Variants in OGDHL observed in about 807,000 individuals in gnomAD.
The protein encoded by OGDHL is oxoglutarate dehydrogenase L, also known as 2-oxoglutarate dehydrogenase-like, mitochondrial.
Under a neutral mutation model 109.6 loss-of-function variants are expected in OGDHL, and 79 were observed. That is an observed-to-expected ratio of 0.72 (90% confidence interval 0.60 to 0.87). OGDHL has a LOEUF of 0.87. Among genes scored for constraint, OGDHL ranks in the 40% least tolerant of loss-of-function variants. The pLI, the probability that OGDHL is intolerant of heterozygous loss-of-function variation, is 0.00. For synonymous variants in OGDHL, 528 were observed against 537.2 expected, an observed-to-expected ratio of 0.98 and a Z score of 0.24; for missense variants, 1,275 against 1,362.2, an observed-to-expected ratio of 0.94 and a Z score of 1.01.
chr10:49,746,126 C>A lies in OGDHL; in HGVS notation c.1297-149G>T, dbSNP rs895749738. On this transcript the variant is annotated intron_variant, in intron 10 of 22. Coordinates refer to ENST00000374103, the MANE Select transcript of OGDHL (RefSeq NM_018245.3). ...GACACAACAGGGTGATGGTGAGCAGCCCCACAATTAGACACGGCAACAGCT... is the reference window on the plus strand; with the variant it reads ...GACACAACAGGGTGATGGTGAGCAGACCCACAATTAGACACGGCAACAGCT... The A allele has an allele frequency of 7.4e-5, 64 of 864,972 alleles. No homozygotes were observed. In the Middle Eastern group the frequency reaches 1.3e-3, roughly 18 times the overall value. 53.6% of individuals were successfully genotyped at this position (864,972 alleles called of 1,614,324 possible). A position where few individuals can be genotyped will look rare whatever the true frequency, so the allele number is the denominator to read the frequency against.
intron 7 of OGDHL, 95 bp from the exon 8 acceptor site, chr10:49,749,911 C>T (rs1003587299): frequency 4.7e-5 from 49 of 1,031,714 alleles, no homozygotes; most frequent in Non-Finnish European, 6.7e-5. Flanking sequence ...CTAATACAGC[C>T]CCTTCGTGCC....
In OGDHL at chr10:49,740,972, A is replaced by ATGGC. The variant is rs1841610981; in HGVS notation, c.2013-139_2013-136dup. On this transcript the variant is annotated intron_variant, in intron 15 of 22. Coordinates refer to ENST00000374103, the MANE Select transcript of OGDHL (RefSeq NM_018245.3). ...CAGGAAACCTGCAGGGTCCCACAAC[A>ATGGC]TGGCATCCAAGAAGGCTGTGGAAAA... 7.1e-6 allele frequency: 8 copies of ATGGC among 1,121,192 alleles called. No homozygotes were observed. In the South Asian group the frequency reaches 1.2e-4, roughly 16 times the overall value. 69.5% of individuals were successfully genotyped at this position (1,121,192 alleles called of 1,614,324 possible).
chr10:49,742,806 T>C, intron 15 of OGDHL, 22 bp downstream of exon 15: 2 of 1,606,008 alleles, frequency 1.2e-6, no homozygotes, highest in Non-Finnish European at 1.7e-6. Context: ...CCTGTGCGGA[T>C]GCTGAGCCCC....
At position 49,746,738 on chromosome 10, in the gene OGDHL, C is replaced by T. The variant is rs749608436; in HGVS notation, c.1296+12G>A. ...GACGCTGTGAGGCCCAGCGTGGAGC[C>T]TACATGCTCACCTGGTTGTTGACGA... On this transcript the variant is annotated intron_variant, in intron 10 of 22. Transcript: ENST00000374103. The T allele has an allele frequency of 2.5e-6, 4 of 1,613,870 alleles. No homozygotes were observed. Among genetic ancestry groups the T allele is most frequent in the East Asian group, 2.2e-5 (1 of 44,886 alleles).
rs1842240375 is a variant in OGDHL at position 49,747,027 on chromosome 10, A to C, written c.1167+2T>G. The C allele has an allele frequency of 6.2e-7, 1 of 1,613,410 alleles. No individual in the cohort carries two copies. Among genetic ancestry groups the C allele is most frequent in the Admixed American group, 1.7e-5 (1 of 59,992 alleles). ...CCTCTGGGTTCCCCCAGGTGAGCTC[A>C]CCTTCTTGCCCTGGGCATCTCCACG... On this transcript the variant is annotated splice_donor_variant, in intron 9 of 22. Coordinates refer to ENST00000374103, the MANE Select transcript of OGDHL (RefSeq NM_018245.3). LOFTEE classifies it high-confidence loss of function.
At chr10:49,749,136 G>A (rs1009498828) in intron 8 of OGDHL, among the ~76,000 whole-genome samples, 6 of 152,188 alleles carry the variant, frequency 3.9e-5, no homozygotes, top group Non-Finnish European at 8.8e-5. Context: ...TTGAACCCAG[G>A]AGGCAGAGGT....
At chr10:49,745,202 T>C in intron 12 of OGDHL, 142 bp downstream of exon 12, 1 of 1,053,018 alleles carries the variant, frequency 9.5e-7, no homozygotes, top group East Asian at 2.6e-5. Flanking sequence ...CTTTGGTAAC[T>C]GGGGCCTCTT....
At chr10:49,742,432 CAT>C (rs1491298816) in intron 15 of OGDHL, among the ~76,000 whole-genome samples, 12 of 141,574 alleles carry the variant, frequency 8.5e-5, no homozygotes, top group Non-Finnish European at 1.1e-4. Context: ...ACACACCACA[CAT>C]ACAACAAACA....
rs751692566 is a variant in OGDHL at position 49,738,022 on chromosome 10, G to A, written c.2442C>T (p.Ile814=). 1.3e-4 allele frequency: 204 copies of A among 1,614,048 alleles called. No homozygotes were observed. The highest frequency in any genetic ancestry group is 2.2e-5 in the East Asian group (1 of 44,880). ...EVSQLYDCNW[I]VVNCSTPANY... ...TGGCCGGTGTGGAGCAGTTGACCAC[G>A]ATCCAGTTGCAGTCATAGAGCTGGC... The change falls in exon 19 of 23, where the codon ATC becomes ATT. Residue 814 remains isoleucine, a synonymous_variant. Transcript: ENST00000374103.
intron 10 of OGDHL, 42 bp from the exon 11 acceptor site, chr10:49,746,019 T>TA (rs1842158555): frequency 6.3e-7 from 1 of 1,597,582 alleles, no homozygotes; most frequent in Non-Finnish European, 8.5e-7. Flanking sequence ...TCAATTTACT[T>TA]AGAGTGAGAT....
chr10:49,746,701 T>A (rs1162543417), intron 10 of OGDHL, 49 bp downstream of exon 10: 3 of 1,603,656 alleles, frequency 1.9e-6, no homozygotes, highest in Middle Eastern at 3.3e-4. Flanking sequence ...TGCCTGGATT[T>A]CCAGGGATGC....
chr10:49,735,951 C>A (rs1179188979), intron 22 of OGDHL, 72 bp downstream of exon 22: 3 of 1,483,962 alleles, frequency 2.0e-6, no homozygotes, highest in Non-Finnish European at 2.7e-6. Context: ...GTAGCATGGC[C>A]TATGGGACAG....
chr10:49,753,887 C>CT (rs1409270455), intron 3 of OGDHL, among the ~76,000 whole-genome samples: 2 of 86,224 alleles, frequency 2.3e-5, no homozygotes, highest in Non-Finnish European at 4.1e-5. Context: ...GAAACTCCAT[C>CT]TAAAAAAAAA....
At chr10:49,738,343 G>A in intron 17 of OGDHL, 81 bp from the exon 18 acceptor site, 19 of 1,493,740 alleles carry the variant, frequency 1.3e-5, no homozygotes, top group Non-Finnish European at 1.8e-5. Flanking sequence ...CAGGCTCAGG[G>A]GAAAGTCTGG....
rs768235101 is a variant in OGDHL, at chr10:49,745,907, T to G, written c.1367A>C (p.Asn456Thr). 2.5e-6 allele frequency: 4 copies of G among 1,614,210 alleles called. No individual in the cohort carries two copies. Among genetic ancestry groups the G allele is most frequent in the Non-Finnish European group, 3.4e-6 (4 of 1,180,028 alleles). ...GGCATTCACATGGAAGATAGGCGCA[T>G]TGACCACCCGGGCCACGTCGGTCGG... ...PYPTDVARVV[N>T]APIFHVNADD... The change falls in exon 11 of 23, where the codon AAT (asparagine) becomes ACT (threonine). Residue 456 changes from asparagine (N) to threonine (T), a missense_variant. Physicochemically the swap from Asn to Thr is moderately conservative, Grantham distance 65. Transcript: ENST00000374103.
intron 7 of OGDHL, 76 bp from the exon 8 acceptor site, chr10:49,749,892 T>TGCG: frequency 7.7e-7 from 1 of 1,294,492 alleles, no homozygotes; most frequent in Non-Finnish European, 1.1e-6. Context: ...TGTGGAGGCC[T>TGCG]GGCCTGGCCT....
intron 10 of OGDHL, among the ~76,000 whole-genome samples, chr10:49,746,358 C>T (rs1435359353): frequency 1.3e-5 from 2 of 152,288 alleles, no homozygotes; most frequent in East Asian, 3.9e-4. Flanking sequence ...ACAGGATGTT[C>T]AAGGACGATG....
chr10:49,749,649 C>T, intron 8 of OGDHL, 77 bp downstream of exon 8: 1 of 1,290,924 alleles, frequency 7.7e-7, no homozygotes, highest in Admixed American at 2.3e-5. Flanking sequence ...CCGGAAGCTC[C>T]CGGCTCAGCC....
At chr10:49,746,328 G>T (rs1842184373) in intron 10 of OGDHL, among the ~76,000 whole-genome samples, 1 of 152,208 alleles carries the variant, frequency 6.6e-6, no homozygotes, top group Admixed American at 6.5e-5. Flanking sequence ...ATAAAAAGGG[G>T]TCACTTAAAT....
Sources: gnomAD v4.1 joint callset for allele counts (sites outside exome capture counted in the v4.1 genomes callset) on GRCh38, gnomAD v4.1.1 for gene constraint, MANE v1.5 for transcripts, NCBI Gene and HGNC (gene_info 2026-07-23, HGNC 2026-07-21) for gene names.